The following DAB2IP variants were observed in gnomAD, a reference collection of about 807,000 sequenced individuals.
DAB2IP encodes DAB2 interacting protein.
Under a neutral mutation model 107.2 loss-of-function variants are expected in DAB2IP, and 28 were observed. The ratio of observed to expected loss-of-function variants is 0.26; its 90% CI spans 0.19 to 0.36. The LOEUF is 0.36. Among genes scored for constraint, DAB2IP ranks in the 10% least tolerant of loss-of-function variants. The pLI is 1.00. For missense variants in DAB2IP, 1,400 were observed against 1,644.7 expected (o/e 0.85, Z 2.57); for synonymous variants, 755 against 706.4 (o/e 1.07, Z -1.09).
chr9:121,679,300 G>A (rs1224868890), intron 2 of DAB2IP, among the ~76,000 whole-genome samples: 1 of 151,820 alleles, frequency 6.6e-6, no homozygotes, highest in Non-Finnish European at 1.5e-5. Context: ...GAACTGAGTG[G>A]TCCCCACAAG....
At chr9:121,737,473 G>A (rs752977717) in intron 3 of DAB2IP, 6 of 985,454 alleles carry the variant, frequency 6.1e-6, no homozygotes, top group Admixed American at 6.1e-5. Flanking sequence ...CTTAGATGCC[G>A]GCCCGGCCGA....
rs1832987682 is a variant in DAB2IP at position 121,749,954 on chromosome 9, C to T, written c.363-7059C>T. On this transcript the variant is annotated intron_variant, in intron 3 of 15. Coordinates refer to ENST00000408936, the Ensembl canonical transcript of DAB2IP. ...GTGTGCATCGTTCACCAGTGTTGTTCATAGCTGTGTCTCCAGCTCCTGACA... is the reference window on the plus strand; with the variant it reads ...GTGTGCATCGTTCACCAGTGTTGTTTATAGCTGTGTCTCCAGCTCCTGACA... Among the ~76,000 whole-genome samples the T allele has an allele frequency of 5.9e-5, 9 of 152,182 alleles. No individual in the cohort carries two copies. In the South Asian group the frequency reaches 1.9e-3, roughly 32 times the overall value.
intron 1 of DAB2IP, among the ~76,000 whole-genome samples, chr9:121,595,157 T>C (rs1830501866): frequency 6.6e-6 from 1 of 151,988 alleles, no homozygotes; most frequent in African/African-American, 2.4e-5. Flanking sequence ...CCAGAAAGGA[T>C]GACCAGGTTA....
chr9:121,685,140 G>A (rs953891634), intron 2 of DAB2IP, among the ~76,000 whole-genome samples: 6 of 151,564 alleles, frequency 4.0e-5, no homozygotes, highest in African/African-American at 1.4e-4. Context: ...TGCCCCCTCC[G>A]CCCCCTCCAC....
intron 3 of DAB2IP, among the ~76,000 whole-genome samples, chr9:121,704,952 C>G (rs1829981491): frequency 6.6e-6 from 1 of 152,226 alleles, no homozygotes; most frequent in Non-Finnish European, 1.5e-5. Flanking sequence ...GCCCCATGGG[C>G]ACCTTTGGGG....
chr9:121,578,963 C>T (rs1329443364), intron 1 of DAB2IP, among the ~76,000 whole-genome samples: 2 of 151,954 alleles, frequency 1.3e-5, no homozygotes, highest in Non-Finnish European at 2.9e-5. Flanking sequence ...CTGCTCTGAA[C>T]GGGCCCACCA....
At position 121,782,550 on chromosome 9, in the gene DAB2IP, A is replaced by G; in HGVS notation, c.*52A>G. ...CAAGGAGAGGGGGACTATGGTGGCC[A>G]AGGGCAGGGTCTCGGCCTGGGGAGG... is the stretch of plus-strand genomic sequence containing the variant. On this transcript the variant is annotated 3_prime_UTR_variant, in exon 16 of 16. Coordinates refer to ENST00000408936, the Ensembl canonical transcript of DAB2IP. This position sits in a 1 kb window ranked among gnomAD's most constrained non-coding sequence, Gnocchi z 6.1. 6 of 1,595,382 alleles carry G rather than the reference A, an allele frequency of 3.8e-6. No homozygotes were observed. Among genetic ancestry groups the G allele is most frequent in the Non-Finnish European group, 5.1e-6 (6 of 1,167,318 alleles).
intron 1 of DAB2IP, among the ~76,000 whole-genome samples, chr9:121,640,481 G>A (rs1347647865): frequency 6.6e-6 from 1 of 152,168 alleles, no homozygotes; most frequent in Non-Finnish European, 1.5e-5. Flanking sequence ...TGCAGGGGAA[G>A]AGGAGAGGGC....
At chr9:121,667,276 T>A (rs1688454659) in intron 1 of DAB2IP, among the ~76,000 whole-genome samples, 1 of 152,038 alleles carries the variant, frequency 6.6e-6, no homozygotes, top group Admixed American at 6.5e-5. Context: ...CCTCCCAAAG[T>A]GCTGGGGAAA....
chr9:121,772,855 C>A lies in DAB2IP; in HGVS notation c.2327C>A (p.Ala776Asp). 1.3e-6 allele frequency: 2 copies of A among 1,595,574 alleles called. No individual in the cohort carries two copies. Among genetic ancestry groups the A allele is most frequent in the Non-Finnish European group, 8.5e-7 (1 of 1,172,972 alleles). The stretch of plus-strand genomic sequence containing the variant: ...GACGTCCTCCCCACAGATGGGCAGG[C>A]CGCTGCAGCTCAGCTGGTGGCCGGG... The change falls in exon 12 of 16, where the codon GCC becomes GAC. Residue 776 changes from alanine to aspartate, a missense_variant. This residue lies in a region of DAB2IP where 600 missense variants were observed against 659.1 expected (regional missense o/e 0.91). Coordinates refer to ENST00000408936, the Ensembl canonical transcript of DAB2IP. The surrounding 1 kb of genome is among the most constrained non-coding windows in gnomAD (Gnocchi z 4.7).
At chr9:121,665,305 G>A (rs753619497) in intron 1 of DAB2IP, among the ~76,000 whole-genome samples, 8 of 152,042 alleles carry the variant, frequency 5.3e-5, no homozygotes, top group South Asian at 2.1e-4. Flanking sequence ...GCCAGGAGTC[G>A]GAGACCACCC....
chr9:121,609,572 T>G (rs1372925217), intron 1 of DAB2IP, among the ~76,000 whole-genome samples: 1 of 152,242 alleles, frequency 6.6e-6, no homozygotes, highest in East Asian at 1.9e-4. Context: ...CTAACTTGTA[T>G]GTTTATTAAC....
At chr9:121,750,345 T>G (rs923092977) in intron 3 of DAB2IP, among the ~76,000 whole-genome samples, 6 of 151,630 alleles carry the variant, frequency 4.0e-5, no homozygotes, top group Non-Finnish European at 7.4e-5. Context: ...GTGTGTGTGT[T>G]TAATCCCAGG....
intron 1 of DAB2IP, among the ~76,000 whole-genome samples, chr9:121,664,859 G>A (rs950936499): frequency 2.0e-5 from 3 of 152,140 alleles, no homozygotes; most frequent in African/African-American, 7.2e-5. Context: ...ATAAAATCAT[G>A]ATCTATTCTA....
At chr9:121,779,699 C>T (rs1222894926) in intron 14 of DAB2IP, among the ~76,000 whole-genome samples, 1 of 152,194 alleles carries the variant, frequency 6.6e-6, no homozygotes, top group Non-Finnish European at 1.5e-5. Flanking sequence ...ACTGGTACAA[C>T]ATGAACTGCT....
At chr9:121,593,282 T>C (rs1465770607) in intron 1 of DAB2IP, among the ~76,000 whole-genome samples, 1 of 152,164 alleles carries the variant, frequency 6.6e-6, no homozygotes, top group Non-Finnish European at 1.5e-5. Flanking sequence ...TTGTTGTATT[T>C]CTTGAGACGG....
chr9:121,768,372 G>A, intron 9 of DAB2IP, 60 bp from the exon 10 acceptor site: 1 of 1,572,058 alleles, frequency 6.4e-7, no homozygotes, highest in Non-Finnish European at 8.8e-7. Context: ...CCAGTGGAGG[G>A]AGTTCCTGGG....
chr9:121,679,569 C>T (rs12005159), intron 2 of DAB2IP, among the ~76,000 whole-genome samples: 1 of 151,838 alleles, frequency 6.6e-6, no homozygotes, highest in Non-Finnish European at 1.5e-5. Context: ...CCTTTCTCCA[C>T]GGAGCTCAGG....
At position 121,776,597 on chromosome 9, in the gene DAB2IP, T is replaced by C. The variant is rs1002386726; in HGVS notation, c.3314+206T>C. ...TGGAGGGTGGGCAGCCCATGCAGAA[T>C]ACAAAGCTGGGGATGAGGCTGGACC... On this transcript the variant is annotated intron_variant, in intron 14 of 15. Coordinates refer to ENST00000408936, the Ensembl canonical transcript of DAB2IP. The surrounding 1 kb of genome is among the most constrained non-coding windows in gnomAD (Gnocchi z 5.4). Among the ~76,000 whole-genome samples, 1 of 151,960 alleles carries C rather than the reference T, an allele frequency of 6.6e-6. No individual in the cohort carries two copies. Among genetic ancestry groups the C allele is most frequent in the Non-Finnish European group, 1.5e-5 (1 of 67,972 alleles).
Sources: allele counts gnomAD v4.1 joint callset (sites outside exome capture counted in the v4.1 genomes callset), GRCh38; gene constraint gnomAD v4.1.1; regional missense constraint gnomAD v4.1.1; non-coding constraint Gnocchi (gnomAD v3.1); transcripts MANE v1.5; gene names NCBI Gene and HGNC (gene_info 2026-07-23, HGNC 2026-07-21).